The following RNPEP variants were observed in gnomAD, a reference collection of about 807,000 sequenced individuals.
RNPEP encodes arginyl aminopeptidase.
A neutral mutation model predicts 70.1 loss-of-function variants in RNPEP; 57 were observed. The observed-to-expected ratio is 0.81, with a 90% CI of 0.66 to 1.01. The LOEUF (loss-of-function observed/expected upper bound fraction) is 1.01. Ranked by LOEUF, RNPEP falls within the 50% of genes least tolerant of loss-of-function variation. RNPEP has a pLI of 0.00. For synonymous variants in RNPEP, 335 were observed against 357.4 expected (o/e 0.94, Z 0.71); for missense variants, 787 against 852.4 (o/e 0.92, Z 0.96).
Position 202,001,612 on chromosome 1 carries a change from C to T in RNPEP, c.1318-47C>T, listed in dbSNP as rs757849867. ...GGACCCAGGACACAGAGGGACACCACTCCCCACGGGGCCAGAGAGGGTCTA... is the reference window on the plus strand; with the variant it reads ...GGACCCAGGACACAGAGGGACACCATTCCCCACGGGGCCAGAGAGGGTCTA... On this transcript the variant is annotated intron_variant, in intron 7 of 10. Transcript: ENST00000295640. 8.0e-6 allele frequency: 12 copies of T among 1,495,844 alleles called. No homozygotes were observed. The African/African-American group carries it at 1.2e-4, about 15-fold the overall frequency. 92.7% of individuals were successfully genotyped at this position (1,495,844 alleles called of 1,614,324 possible). A position where few individuals can be genotyped will look rare whatever the true frequency, so the allele number is the denominator to read the frequency against.
At chr1:201,989,996 C>T (rs1571626644) in intron 3 of RNPEP, among the ~76,000 whole-genome samples, 1 of 152,108 alleles carries the variant, frequency 6.6e-6, no homozygotes, top group African/African-American at 2.4e-5. Context: ...AGGCATGCCC[C>T]ACCACGCTCG....
chr1:201,982,660 T>C lies in RNPEP; in HGVS notation c.-7T>C, dbSNP rs1571615912. ...CGGCCCGGCCGGTGAGCAACGGCTC[T>C]GCGGCCATGGCGAGCGGCGAGCATT... On this transcript the variant is annotated 5_prime_UTR_variant, in exon 1 of 11. Transcript: ENST00000295640. 1.5e-6 allele frequency: 2 copies of C among 1,334,532 alleles called. No individual in the cohort carries two copies. The highest frequency in any genetic ancestry group is 3.6e-5 in the Admixed American group (1 of 27,742). The allele number at this position is 1,334,532 out of a possible 1,614,324, so 82.7% of individuals were successfully genotyped here.
Position 201,982,725 on chromosome 1 carries a change from C to A in RNPEP, c.59C>A (p.Ala20Glu). The A allele has an allele frequency of 7.1e-7, 1 of 1,402,866 alleles. No homozygotes were observed. Among genetic ancestry groups the A allele is most frequent in the South Asian group, 1.6e-5 (1 of 63,840 alleles). 86.9% of individuals were successfully genotyped at this position (1,402,866 alleles called of 1,614,324 possible). A position where few individuals can be genotyped will look rare whatever the true frequency, so the allele number is the denominator to read the frequency against. Residue 20 changes from alanine to glutamate, a missense_variant, in exon 1 of 11, where the codon GCG (alanine) becomes GAG (glutamate). Physicochemically the swap from Ala to Glu is moderately radical, Grantham distance 107. Transcript: ENST00000295640. Reference sequence around the variant, plus strand: ...GCGGCCCGGCGGCCGCTGCACTCCGCGCAGGCTGTGGACGTGGCCTCGGCC... The same window carrying A: ...GCGGCCCGGCGGCCGCTGCACTCCGAGCAGGCTGTGGACGTGGCCTCGGCC... The part of the protein sequence containing the change: ...SGAARRPLHS[A>E]QAVDVASASN...
At chr1:202,001,601 G>C in intron 7 of RNPEP, 58 bp from the exon 8 acceptor site, 1 of 1,467,800 alleles carries the variant, frequency 6.8e-7, no homozygotes, top group Non-Finnish European at 9.6e-7. Context: ...CCAGGACACA[G>C]AGGGACACCA....
chr1:202,000,924 G>A (rs936878099), intron 6 of RNPEP: 2 of 153,848 alleles, frequency 1.3e-5, no homozygotes, highest in African/African-American at 4.8e-5. Context: ...ATTGATCTGG[G>A]AGGGTAGGTT....
Position 202,004,442 on chromosome 1 carries a change from TAAG to T in RNPEP, c.1743_1745del (p.Lys581del). ...GGCTGCGATGGGGCCAAATCGTCCT[TAAG>T]AACGACCACCAGGAAGATTTCTGGA... On this transcript the variant is annotated inframe_deletion, in exon 10 of 11. Transcript: ENST00000295640. The T allele has an allele frequency of 1.2e-6, 2 of 1,614,160 alleles. No homozygotes were observed. The highest frequency in any genetic ancestry group is 4.5e-5 in the East Asian group (2 of 44,884).
rs1335292677 is a variant in RNPEP at position 201,982,972 on chromosome 1, G to C, written c.306G>C (p.Glu102Asp). 6.6e-7 allele frequency: 1 copy of C among 1,506,768 alleles called. No homozygotes were observed. Among genetic ancestry groups the C allele is most frequent in the Admixed American group, 2.2e-5 (1 of 45,836 alleles). 93.3% of individuals were successfully genotyped at this position (1,506,768 alleles called of 1,614,324 possible). ...ALRRERPGSE[E>D]PPAEPVSFYT... ...GGCGGGAGCGGCCCGGCTCGGAGGA[G>C]CCGCCTGCGGAGCCCGTGAGCTTCT... The change falls in exon 1 of 11, where the codon GAG becomes GAC. Residue 102 changes from glutamate to aspartate, a missense_variant. Transcript: ENST00000295640.
chr1:201,995,192 T>G (rs117228437), intron 3 of RNPEP, among the ~76,000 whole-genome samples: 3 of 152,160 alleles, frequency 2.0e-5, no homozygotes, highest in Middle Eastern at 3.2e-3. Flanking sequence ...ATTTAGAAAA[T>G]TGAAAGGATG....
At chr1:202,004,649 C>T (rs1381488553) in intron 10 of RNPEP, among the ~76,000 whole-genome samples, 153 bp downstream of exon 10, 3 of 152,204 alleles carry the variant, frequency 2.0e-5, no homozygotes, top group Non-Finnish European at 2.9e-5. Context: ...AGCCTCTTTA[C>T]TAGTGTGGCT....
chr1:202,005,379 C>T (rs991576874), intron 10 of RNPEP, among the ~76,000 whole-genome samples, 179 bp from the exon 11 acceptor site: 2 of 152,136 alleles, frequency 1.3e-5, no homozygotes, highest in African/African-American at 2.4e-5. Context: ...GGATCTCTGG[C>T]GCCCAAGAAG....
chr1:201,994,554 A>G (rs1683470631), intron 3 of RNPEP, among the ~76,000 whole-genome samples: 1 of 151,898 alleles, frequency 6.6e-6, no homozygotes, highest in Non-Finnish European at 1.5e-5. Flanking sequence ...GAAGTACCTG[A>G]TACTGGTTTC....
chr1:202,001,610 C>G (rs2102981597), intron 7 of RNPEP, 49 bp from the exon 8 acceptor site: 1 of 1,484,432 alleles, frequency 6.7e-7, no homozygotes, highest in East Asian at 2.3e-5. Flanking sequence ...AGAGGGACAC[C>G]ACTCCCCACG....
At chr1:201,994,689 CAG>C (rs1468667168) in intron 3 of RNPEP, among the ~76,000 whole-genome samples, 1 of 142,554 alleles carries the variant, frequency 7.0e-6, no homozygotes, top group Admixed American at 7.1e-5. Flanking sequence ...TTTTTTGAAA[CAG>C]AGTCTTACTC....
intron 8 of RNPEP, among the ~76,000 whole-genome samples, chr1:202,002,543 AC>A (rs1265602483): frequency 1.3e-5 from 2 of 152,054 alleles, no homozygotes; most frequent in African/African-American, 2.4e-5. Flanking sequence ...CATTAGACAT[AC>A]CCCCACTTCT....
At chr1:201,984,041 G>A (rs193077873) in intron 1 of RNPEP, among the ~76,000 whole-genome samples, 2 of 152,096 alleles carry the variant, frequency 1.3e-5, no homozygotes, top group South Asian at 4.1e-4. Flanking sequence ...AGCGATTCTC[G>A]TACCTCACCC....
chr1:202,001,563 C>T (rs762740860), intron 7 of RNPEP, 75 bp downstream of exon 7: 80 of 1,435,130 alleles, frequency 5.6e-5, no homozygotes, highest in Non-Finnish European at 7.7e-5. Flanking sequence ...AGGCAGGGGG[C>T]GAAAGATGTA....
rs1683589896 is a variant in RNPEP, at chr1:201,997,302, TC to T, written c.855-13del. On this transcript the variant is annotated splice_polypyrimidine_tract_variant and intron_variant, in intron 4 of 10. Transcript: ENST00000295640. ...GGGAAGCCAGGGCCTCTTGGTGACC[TC>T]CCCGCTTCTCGGCAGGTATGACTTG... The T allele has an allele frequency of 1.2e-6, 2 of 1,608,420 alleles. No homozygotes were observed. The highest frequency in any genetic ancestry group is 1.7e-6 in the Non-Finnish European group (2 of 1,175,036).
At chr1:202,003,597 G>A (rs1683924514) in intron 9 of RNPEP, 136 bp downstream of exon 9, 2 of 651,630 alleles carry the variant, frequency 3.1e-6, no homozygotes, top group South Asian at 1.9e-5. Flanking sequence ...ACTCCACAAG[G>A]AATGTGCCAC....
Position 201,988,958 on chromosome 1 carries a change from A to AC in RNPEP, c.505dup (p.Gln169ProfsTer20). On this transcript the variant is annotated frameshift_variant, in exon 2 of 11. Coordinates refer to ENST00000295640, the MANE Select transcript of RNPEP (RefSeq NM_020216.4). LOFTEE classifies it high-confidence loss of function. Reference sequence around the variant, plus strand: ...AGGAAAGAAGAAGCCCTTCGTGTACACCCAGGGCCAGGCTGTCCTAAACCG... The same window carrying AC: ...AGGAAAGAAGAAGCCCTTCGTGTACACCCCAGGGCCAGGCTGTCCTAAACCG... 6.2e-7 allele frequency: 1 copy of AC among 1,613,928 alleles called. No individual in the cohort carries two copies. Among genetic ancestry groups the AC allele is most frequent in the Non-Finnish European group, 8.5e-7 (1 of 1,179,944 alleles).
Sources: gnomAD v4.1 joint callset for allele counts (sites outside exome capture counted in the v4.1 genomes callset) on GRCh38, gnomAD v4.1.1 for gene constraint, MANE v1.5 for transcripts, NCBI Gene and HGNC (gene_info 2026-07-23, HGNC 2026-07-21) for gene names.